Variants in NECAB1 observed in about 807,000 individuals in gnomAD.
The protein encoded by NECAB1 is N-terminal EF-hand calcium-binding protein 1.
Under a neutral mutation model 57.5 loss-of-function variants are expected in NECAB1, and 29 were observed. That is an observed-to-expected ratio of 0.50 (90% CI 0.38 to 0.69). The LOEUF is 0.69. NECAB1 is among the 30% of genes least tolerant of loss of function. The pLI is 0.00. For missense variants in NECAB1, 372 were observed against 413.8 expected (o/e 0.90, Z 0.88); for synonymous variants, 142 against 147.7 (o/e 0.96, Z 0.28).
chr8:90,803,785 G>A (rs932791344), intron 2 of NECAB1, among the ~76,000 whole-genome samples: 9 of 152,082 alleles, frequency 5.9e-5, no homozygotes, highest in African/African-American at 2.2e-4. Flanking sequence ...CCCTCCATCT[G>A]CCACACTGTT....
intron 5 of NECAB1, among the ~76,000 whole-genome samples, chr8:90,889,429 GA>G (rs1809095694): frequency 6.6e-6 from 1 of 152,180 alleles, no homozygotes; most frequent in South Asian, 2.1e-4. Context: ...TCAATTTCTT[GA>G]GAAGATGACA....
chr8:90,943,256 G>A (rs2130247690), intron 10 of NECAB1, among the ~76,000 whole-genome samples: 1 of 152,326 alleles, frequency 6.6e-6, no homozygotes, highest in Non-Finnish European at 1.5e-5. Flanking sequence ...TGAAGTAGAG[G>A]AAAGGAGAGC....
At chr8:90,906,762 T>C (rs1241801533) in intron 5 of NECAB1, among the ~76,000 whole-genome samples, 2 of 151,428 alleles carry the variant, frequency 1.3e-5, no homozygotes, top group African/African-American at 4.9e-5. Flanking sequence ...AATTTATCAA[T>C]AAGACATTCA....
intron 5 of NECAB1, among the ~76,000 whole-genome samples, chr8:90,887,822 G>T (rs752291823): frequency 6.6e-6 from 1 of 152,106 alleles, no homozygotes; most frequent in Non-Finnish European, 1.5e-5. Context: ...ACTGCAGTTG[G>T]TATTTCACCT....
intron 6 of NECAB1, among the ~76,000 whole-genome samples, chr8:90,918,661 C>T (rs996904728): frequency 2.0e-5 from 3 of 152,084 alleles, no homozygotes; most frequent in Admixed American, 6.6e-5. Flanking sequence ...TGAACTGGAC[C>T]TGTAGGATGA....
intron 3 of NECAB1, among the ~76,000 whole-genome samples, chr8:90,836,927 G>T (rs745367413): frequency 6.6e-6 from 1 of 152,148 alleles, no homozygotes; most frequent in Admixed American, 6.5e-5. Flanking sequence ...GAAGGCAATG[G>T]CTCATATTTA....
At chr8:90,888,028 A>G (rs1311562773) in intron 5 of NECAB1, among the ~76,000 whole-genome samples, 3 of 152,146 alleles carry the variant, frequency 2.0e-5, no homozygotes, top group African/African-American at 7.2e-5. Flanking sequence ...ATTGTTTTCT[A>G]TTTTCAGACA....
intron 6 of NECAB1, among the ~76,000 whole-genome samples, chr8:90,924,659 A>AC (rs1369400694): frequency 2.0e-5 from 3 of 152,178 alleles, no homozygotes; most frequent in African/African-American, 7.2e-5. Context: ...TGCCTCATAG[A>AC]CCAAGATGTT....
chr8:90,892,768 C>A (rs1191862432), intron 5 of NECAB1, among the ~76,000 whole-genome samples: 1 of 152,168 alleles, frequency 6.6e-6, no homozygotes, highest in African/African-American at 2.4e-5. Flanking sequence ...GTCTACAGAC[C>A]ATGCTCCATC....
rs578113943 is a variant in NECAB1, at chr8:90,834,433, G to A, written c.233+9608G>A. ...AGGATTCCACCCTCATGAATGGGATGAGTGCCCTTTTATAAAAGAGCCCTG... is the reference window on the plus strand; with the variant it reads ...AGGATTCCACCCTCATGAATGGGATAAGTGCCCTTTTATAAAAGAGCCCTG... On this transcript the variant is annotated intron_variant, in intron 3 of 12. Transcript: ENST00000417640. 2.6e-5 allele frequency among the ~76,000 whole-genome samples: 4 copies of A among 152,208 alleles called. No homozygotes were observed. The East Asian group carries it at 7.7e-4, about 29-fold the overall frequency.
chr8:90,828,479 G>A (rs908605907), intron 3 of NECAB1, among the ~76,000 whole-genome samples: 3 of 151,966 alleles, frequency 2.0e-5, no homozygotes, highest in African/African-American at 7.2e-5. Context: ...ACTCTAATGA[G>A]AATTCCATGA....
intron 8 of NECAB1, among the ~76,000 whole-genome samples, chr8:90,928,904 C>T (rs1307537235): frequency 1.3e-5 from 2 of 151,942 alleles, no homozygotes; most frequent in Admixed American, 1.3e-4. Context: ...CCAAGTAGTC[C>T]TGTTATTGTA....
At chr8:90,873,535 G>C (rs1054802645) in intron 4 of NECAB1, among the ~76,000 whole-genome samples, 3 of 152,216 alleles carry the variant, frequency 2.0e-5, no homozygotes, top group Non-Finnish European at 2.9e-5. Context: ...AGATTATCTT[G>C]ATAATTTCAT....
chr8:90,922,930 G>A (rs1390923528), intron 6 of NECAB1, among the ~76,000 whole-genome samples: 2 of 152,138 alleles, frequency 1.3e-5, no homozygotes, highest in Non-Finnish European at 2.9e-5. Context: ...ATAAAAGGAG[G>A]CATTAACCTG....
intron 3 of NECAB1, among the ~76,000 whole-genome samples, chr8:90,867,508 G>A (rs1808540296): frequency 6.6e-6 from 1 of 152,074 alleles, no homozygotes; most frequent in Non-Finnish European, 1.5e-5. Context: ...TTCAAGTTTT[G>A]TTGGTTTTTA....
intron 3 of NECAB1, among the ~76,000 whole-genome samples, chr8:90,846,740 C>CATGG (rs1388533110): frequency 3.9e-5 from 6 of 152,198 alleles, no homozygotes; most frequent in African/African-American, 1.4e-4. Flanking sequence ...TCATGTCTTA[C>CATGG]ATGGCATTAC....
chr8:90,901,099 T>C (rs1055469345), intron 5 of NECAB1, among the ~76,000 whole-genome samples: 3 of 152,202 alleles, frequency 2.0e-5, no homozygotes, highest in Non-Finnish European at 4.4e-5. Flanking sequence ...AAAAGATGAA[T>C]ATAAAATTAT....
chr8:90,876,942 A>G (rs1808739291), intron 4 of NECAB1, among the ~76,000 whole-genome samples: 1 of 152,214 alleles, frequency 6.6e-6, no homozygotes, highest in East Asian at 1.9e-4. Context: ...TTCTTCAGGA[A>G]GTTCTTCTAG....
intron 10 of NECAB1, among the ~76,000 whole-genome samples, chr8:90,947,305 C>A (rs1230856352): frequency 0.038 from 3,155 of 82,148 alleles, 142 homozygotes; most frequent in African/African-American, 0.12. Context: ...ACAACACATA[C>A]ACACACACAC....
Sources: gnomAD v4.1 joint callset for allele counts (sites outside exome capture counted in the v4.1 genomes callset) on GRCh38, gnomAD v4.1.1 for gene constraint, MANE v1.5 for transcripts, NCBI Gene and HGNC (gene_info 2026-07-23, HGNC 2026-07-21) for gene names.